Variants in CD96 observed in about 807,000 individuals in gnomAD.
The protein encoded by CD96 is T-cell surface protein tactile.
In CD96, 70 loss-of-function variants were observed where a neutral mutation model predicts 71.3. The observed-to-expected ratio is 0.98, with a 90% CI of 0.81 to 1.20. CD96 has a LOEUF of 1.20. Ranked by LOEUF, CD96 falls within the 50% of genes most tolerant of loss-of-function variation. CD96 has a pLI of 0.00. For missense variants in CD96, 742 were observed against 677.5 expected (o/e 1.10, Z -1.06); for synonymous variants, 248 against 233.0 (o/e 1.06, Z -0.59).
Position 111,647,539 on chromosome 3 carries a change from T to G in CD96, c.1478-4T>G. The G allele has an allele frequency of 6.2e-7, 1 of 1,612,242 alleles. No homozygotes were observed. The highest frequency in any genetic ancestry group is 1.1e-5 in the South Asian group (1 of 91,044). On this transcript the variant is annotated splice_polypyrimidine_tract_variant and splice_region_variant and intron_variant, in intron 12 of 13. Transcript: ENST00000352690. ...AAGTTCATCTTTCTTTATGCCCTTT[T>G]CAGGTATTGTGGTCAATAAGCCCAA...
chr3:111,600,949 T>G (rs200071558), intron 7 of CD96, 35 bp downstream of exon 7: 1 of 1,276,342 alleles, frequency 7.8e-7, no homozygotes, highest in African/African-American at 1.5e-5. Flanking sequence ...AACAAGAGTT[T>G]GCTAAGACTG....
intron 5 of CD96, chr3:111,594,356 G>A (rs559174880): frequency 2.3e-6 from 2 of 873,836 alleles, no homozygotes; most frequent in Non-Finnish European, 3.4e-6. Flanking sequence ...GGTGGTGTGA[G>A]GTTTCTTCCT....
intron 2 of CD96, among the ~76,000 whole-genome samples, chr3:111,555,981 A>G: frequency 6.6e-6 from 1 of 152,300 alleles, no homozygotes. Context: ...TTGAGATTAG[A>G]TAATTTATAT....
intron 5 of CD96, among the ~76,000 whole-genome samples, chr3:111,592,670 C>T (rs567380783): frequency 5.2e-4 from 79 of 152,278 alleles, no homozygotes; most frequent in Middle Eastern, 3.4e-3. Context: ...TATATCTCTG[C>T]CTTCTTTTCA....
intron 2 of CD96, among the ~76,000 whole-genome samples, chr3:111,554,862 T>G (rs1934908334): frequency 6.6e-6 from 1 of 151,994 alleles, no homozygotes; most frequent in Admixed American, 6.6e-5. Context: ...TGAGCTTGTC[T>G]TCCTGCAACT....
At chr3:111,582,546 T>C (rs546275145) in intron 4 of CD96, among the ~76,000 whole-genome samples, 29 of 152,276 alleles carry the variant, frequency 1.9e-4, no homozygotes, top group Admixed American at 1.6e-3. Context: ...ACCTTTATAA[T>C]GAGACTTTAT....
Position 111,623,821 on chromosome 3 carries a change from A to G in CD96, c.1248A>G (p.Gln416=). 6.2e-7 allele frequency: 1 copy of G among 1,602,784 alleles called. No individual in the cohort carries two copies. Among genetic ancestry groups the G allele is most frequent in the Non-Finnish European group, 8.5e-7 (1 of 1,169,674 alleles). Residue 416 remains glutamine (Q), a splice_region_variant and synonymous_variant, in exon 9 of 14, where the codon CAA becomes CAG. Coordinates refer to ENST00000352690, the MANE Select transcript of CD96 (RefSeq NM_005816.5). ...CCTTGAGGCCAAACACCACTCCTCA[A>G]CGTGAGTTCAGCAAAGTTTTCCTAC... is the stretch of plus-strand genomic sequence containing the variant. ...VSALRPNTTP[Q]PSNSSMTTRG... is the part of the protein sequence containing the mutation.
intron 7 of CD96, among the ~76,000 whole-genome samples, chr3:111,603,812 T>C (rs1160707620): frequency 6.6e-6 from 1 of 152,144 alleles, no homozygotes; most frequent in Non-Finnish European, 1.5e-5. Flanking sequence ...AAAGATATCT[T>C]AATAGTGGAA....
rs746764792 is a variant in CD96 at position 111,593,762 on chromosome 3, C to T, written c.808-4358C>T. On this transcript the variant is annotated intron_variant, in intron 5 of 13. Coordinates refer to ENST00000352690, the MANE Select transcript of CD96 (RefSeq NM_005816.5). ...TTGGCTGGCCCACAAAGCCATGGTG[C>T]CCACCTGCTCCAGGAGCCTACCCCA... 22 of 1,614,118 alleles carry T rather than the reference C, an allele frequency of 1.4e-5. No individual in the cohort carries two copies. The highest frequency in any genetic ancestry group is 1.8e-5 in the Non-Finnish European group (21 of 1,180,050).
chr3:111,659,096 T>C (rs1940297254), intron 14 of CD96, among the ~76,000 whole-genome samples: 1 of 152,226 alleles, frequency 6.6e-6, no homozygotes, highest in African/African-American at 2.4e-5. Flanking sequence ...TTCAATTGCT[T>C]CCTGATTTAA....
chr3:111,625,053 A>G (rs1252574317), intron 10 of CD96, among the ~76,000 whole-genome samples: 1 of 152,240 alleles, frequency 6.6e-6, no homozygotes, highest in Non-Finnish European at 1.5e-5. Context: ...CCACAGGGCC[A>G]GAACTCTGAA....
chr3:111,554,319 T>G (rs1934876521), intron 2 of CD96, among the ~76,000 whole-genome samples: 1 of 152,140 alleles, frequency 6.6e-6, no homozygotes, highest in South Asian at 2.1e-4. Flanking sequence ...TGATATTGTA[T>G]TTTTAAGTTA....
chr3:111,646,444 T>C (rs1003781783), intron 12 of CD96, among the ~76,000 whole-genome samples: 2 of 151,876 alleles, frequency 1.3e-5, no homozygotes, highest in Non-Finnish European at 2.9e-5. Flanking sequence ...CTTAGGATAC[T>C]TTAAAAGCTC....
At chr3:111,606,181 T>A (rs1017499727) in intron 7 of CD96, among the ~76,000 whole-genome samples, 2 of 151,998 alleles carry the variant, frequency 1.3e-5, no homozygotes, top group African/African-American at 4.8e-5. Flanking sequence ...ATGACAAAAG[T>A]TGTCATGTTA....
intron 2 of CD96, among the ~76,000 whole-genome samples, chr3:111,565,264 C>T (rs536288113): frequency 6.6e-6 from 1 of 152,058 alleles, no homozygotes; most frequent in African/African-American, 2.4e-5. Context: ...GATTTTTCCC[C>T]ACCAATTAAG....
intron 1 of CD96, 137 bp downstream of exon 1, chr3:111,542,446 T>A (rs1934149070): frequency 6.8e-6 from 5 of 735,158 alleles, no homozygotes. Context: ...GTTTCAGTTA[T>A]GTATTTAAGC....
chr3:111,561,562 C>T (rs1272978044), intron 2 of CD96, among the ~76,000 whole-genome samples: 21 of 146,570 alleles, frequency 1.4e-4, no homozygotes, highest in East Asian at 4.1e-4. Context: ...GGCAGTCTGC[C>T]GGTTCTCAGA....
intron 3 of CD96, among the ~76,000 whole-genome samples, chr3:111,573,573 A>G (rs1035421900): frequency 6.6e-6 from 1 of 152,142 alleles, no homozygotes; most frequent in Non-Finnish European, 1.5e-5. Context: ...GAAAATGCAT[A>G]AGAGGGAATA....
At chr3:111,637,395 A>G (rs1020485190) in intron 11 of CD96, 134 bp downstream of exon 11, 4 of 702,064 alleles carry the variant, frequency 5.7e-6, no homozygotes, top group Non-Finnish European at 1.1e-5. Flanking sequence ...GATGAAAATT[A>G]CAATGAATGG....
Sources: allele counts gnomAD v4.1 joint callset (sites outside exome capture counted in the v4.1 genomes callset), GRCh38; gene constraint gnomAD v4.1.1; transcripts MANE v1.5; gene names NCBI Gene and HGNC (gene_info 2026-07-23, HGNC 2026-07-21).